The following CHST13 variants were observed in gnomAD, a reference collection of about 807,000 sequenced individuals.
CHST13 encodes the protein carbohydrate sulfotransferase 13.
CHST13 carries 1 observed loss-of-function variant against 7.0 expected under a neutral mutation model. The observed-to-expected ratio is 0.14, with a 90% CI of 0.05 to 0.68. The LOEUF is 0.68. Ranked by LOEUF, CHST13 falls within the 30% of genes least tolerant of loss-of-function variation. CHST13 has a pLI of 0.82. For missense variants in CHST13, 572 were observed against 507.9 expected (o/e 1.13, Z -1.21); for synonymous variants, 257 against 240.9 (o/e 1.07, Z -0.62).
chr3:126,526,386 G>A (rs1291749831), intron 1 of CHST13, among the ~76,000 whole-genome samples: 1 of 152,236 alleles, frequency 6.6e-6, no homozygotes, highest in Non-Finnish European at 1.5e-5. Flanking sequence ...GCCTGAGTTG[G>A]AAGGGATGTG....
At chr3:126,530,229 T>C (rs1936625781) in intron 1 of CHST13, among the ~76,000 whole-genome samples, 1 of 152,236 alleles carries the variant, frequency 6.6e-6, no homozygotes, top group Non-Finnish European at 1.5e-5. Context: ...CCCAGCCCTG[T>C]AATCACTGGC....
At chr3:126,531,116 G>A (rs746619718) in intron 1 of CHST13, among the ~76,000 whole-genome samples, 1 of 152,288 alleles carries the variant, frequency 6.6e-6, no homozygotes, top group Non-Finnish European at 1.5e-5. Context: ...CAGGCACTGC[G>A]CTGGCGCAGC....
At position 126,536,896 on chromosome 3, in the gene CHST13, AACAC is replaced by A. The variant is rs10670471; in HGVS notation, c.180+568_180+571del. 3.5e-3 allele frequency among the ~76,000 whole-genome samples: 489 copies of A among 140,442 alleles called. 2 individuals carry two copies. Among genetic ancestry groups the A allele is most frequent in the East Asian group, 3.7e-3 (17 of 4,650 alleles). The allele number at this position is 140,442 out of a possible 152,430, so 92.1% of individuals were successfully genotyped here. The stretch of plus-strand genomic sequence containing the variant: ...TCTCTCTTTCTCACACACACACACA[AACAC>A]ACACACACACACACACACACACACC... On this transcript the variant is annotated intron_variant, in intron 2 of 2. Coordinates refer to ENST00000319340, the MANE Select transcript of CHST13 (RefSeq NM_152889.3).
chr3:126,529,480 A>C, intron 1 of CHST13: 5 of 1,028,110 alleles, frequency 4.9e-6, no homozygotes, highest in Non-Finnish European at 6.4e-6. Context: ...CTGGGGTCAA[A>C]TTCTGTTTCT....
chr3:126,526,729 C>T (rs972051303), intron 1 of CHST13, among the ~76,000 whole-genome samples: 1 of 152,234 alleles, frequency 6.6e-6, no homozygotes, highest in Non-Finnish European at 1.5e-5. Flanking sequence ...CTTAGGGTCC[C>T]AGGGAGGAGG....
At chr3:126,539,163 C>A (rs1262422550) in intron 2 of CHST13, among the ~76,000 whole-genome samples, 1 of 152,092 alleles carries the variant, frequency 6.6e-6, no homozygotes, top group Non-Finnish European at 1.5e-5. Context: ...TTCAAGGAAC[C>A]CCCACCTTCC....
At chr3:126,538,339 C>T (rs150343400) in intron 2 of CHST13, among the ~76,000 whole-genome samples, 1 of 152,242 alleles carries the variant, frequency 6.6e-6, no homozygotes, top group Non-Finnish European at 1.5e-5. Context: ...AGGAGGGCAT[C>T]CCAGGCAGAA....
rs765437703 is a variant in CHST13, at chr3:126,541,939, C to T, written c.387C>T (p.Gly129=). The change falls in exon 3 of 3, where the codon GGC becomes GGT. Residue 129 remains glycine, a synonymous_variant. Transcript: ENST00000319340. The part of the protein sequence containing the change: ...NWKRVLLALS[G]QARGDPRAIS... The stretch of plus-strand genomic sequence containing the variant: ...AGCGCGTGCTGCTGGCGCTGAGCGG[C>T]CAAGCCCGCGGCGACCCGCGCGCCA... The T allele has an allele frequency of 6.3e-7, 1 of 1,591,118 alleles. No individual in the cohort carries two copies. Among genetic ancestry groups the T allele is most frequent in the South Asian group, 1.1e-5 (1 of 88,216 alleles).
At chr3:126,524,973 C>G (rs1936508463) in intron 1 of CHST13, among the ~76,000 whole-genome samples, 1 of 152,180 alleles carries the variant, frequency 6.6e-6, no homozygotes, top group South Asian at 2.1e-4. Flanking sequence ...GGCAGTTAGT[C>G]ATGACTCCGC....
intron 1 of CHST13, among the ~76,000 whole-genome samples, chr3:126,528,695 G>C (rs1461774011): frequency 6.6e-6 from 1 of 152,174 alleles, no homozygotes; most frequent in African/African-American, 2.4e-5. Flanking sequence ...TGCTCAAGGG[G>C]GATCTGGGCA....
At chr3:126,536,800 A>T (rs1382830398) in intron 2 of CHST13, among the ~76,000 whole-genome samples, 1 of 151,402 alleles carries the variant, frequency 6.6e-6, no homozygotes, top group African/African-American at 2.4e-5. Context: ...GCCTGCAGGG[A>T]CCACACACAA....
chr3:126,541,601 G>A, intron 2 of CHST13, 132 bp from the exon 3 acceptor site: 8 of 763,694 alleles, frequency 1.0e-5, no homozygotes, highest in Non-Finnish European at 1.6e-5. Flanking sequence ...TGACAGCCCT[G>A]GGGTTCGAAT....
intron 1 of CHST13, among the ~76,000 whole-genome samples, chr3:126,529,544 C>T (rs1181438564): frequency 1.3e-5 from 2 of 152,254 alleles, no homozygotes; most frequent in Non-Finnish European, 2.9e-5. Context: ...CTCAGTTTCC[C>T]CCTCTGTCAA....
intron 1 of CHST13, among the ~76,000 whole-genome samples, chr3:126,535,017 C>T (rs1216447928): frequency 6.8e-6 from 1 of 146,926 alleles, no homozygotes; most frequent in East Asian, 2.1e-4. Context: ...GCATCCCTGT[C>T]CTCAGCCAGG....
chr3:126,529,918 C>T (rs1241163583), intron 1 of CHST13, among the ~76,000 whole-genome samples: 2 of 152,254 alleles, frequency 1.3e-5, no homozygotes, highest in Non-Finnish European at 2.9e-5. Flanking sequence ...GTCTGCTCCT[C>T]TGTCCCCTTG....
intron 1 of CHST13, among the ~76,000 whole-genome samples, chr3:126,531,605 G>A (rs994889881): frequency 5.3e-5 from 8 of 152,136 alleles, no homozygotes; most frequent in South Asian, 2.1e-4. Context: ...TTAACATAAC[G>A]TTTACAAGGT....
At chr3:126,524,603 G>C (rs946934863) in intron 1 of CHST13, among the ~76,000 whole-genome samples, 174 bp downstream of exon 1, 2 of 152,332 alleles carry the variant, frequency 1.3e-5, no homozygotes, top group Non-Finnish European at 2.9e-5. Context: ...AGACGCCCCC[G>C]CGAGCAAAGG....
At position 126,542,680 on chromosome 3, in the gene CHST13, C is replaced by G; in HGVS notation, c.*102C>G. ...CCCCAGGACCCCTCTTCAAGAGCCA[C>G]TGCGTGCACTCACCTGGCCGCCGGG... On this transcript the variant is annotated 3_prime_UTR_variant, in exon 3 of 3. Coordinates refer to ENST00000319340, the MANE Select transcript of CHST13 (RefSeq NM_152889.3). 2.9e-6 allele frequency: 4 copies of G among 1,362,932 alleles called. No individual in the cohort carries two copies. Among genetic ancestry groups the G allele is most frequent in the Non-Finnish European group, 3.8e-6 (4 of 1,057,036 alleles). The allele number at this position is 1,362,932 out of a possible 1,614,324, so 84.4% of individuals were successfully genotyped here. A position where few individuals can be genotyped will look rare whatever the true frequency, so the allele number is the denominator to read the frequency against.
chr3:126,539,688 CCACA>C (rs1341721743), intron 2 of CHST13, among the ~76,000 whole-genome samples: 2 of 130,838 alleles, frequency 1.5e-5, no homozygotes, highest in Admixed American at 7.5e-5. Flanking sequence ...ACCACAGACA[CCACA>C]CACACACCAC....
Sources: gnomAD v4.1 joint callset for allele counts (sites outside exome capture counted in the v4.1 genomes callset) on GRCh38, gnomAD v4.1.1 for gene constraint, MANE v1.5 for transcripts, NCBI Gene and HGNC (gene_info 2026-07-23, HGNC 2026-07-21) for gene names.